The following ROBO4 variants were observed in gnomAD, a reference collection of about 807,000 sequenced individuals.
ROBO4 encodes the protein roundabout guidance receptor 4, also known as roundabout homolog 4.
Under a neutral mutation model 103.3 loss-of-function variants are expected in ROBO4, and 80 were observed. The ratio of observed to expected loss-of-function variants is 0.77; its 90% CI spans 0.65 to 0.93. The LOEUF is 0.93. Ranked by LOEUF, ROBO4 falls within the 40% of genes least tolerant of loss-of-function variation. The pLI, the probability that ROBO4 is intolerant of heterozygous loss-of-function variation, is 0.00. For synonymous variants in ROBO4, 504 were observed against 529.7 expected (o/e 0.95, Z 0.67); for missense variants, 1,333 against 1,305.3 (o/e 1.02, Z -0.33).
intron 16 of ROBO4, 121 bp downstream of exon 16, chr11:124,886,343 T>C (rs1946711141): frequency 3.9e-6 from 3 of 776,616 alleles, no homozygotes; most frequent in Non-Finnish European, 6.5e-6. Flanking sequence ...GCACTTATCA[T>C]AGTGCCTGAG....
At position 124,895,601 on chromosome 11, in the gene ROBO4, C is replaced by T. The variant is rs755878772; in HGVS notation, c.892G>A (p.Ala298Thr). The change falls in exon 6 of 18, where the codon GCA becomes ACA. Residue 298 changes from alanine (A) to threonine (T), a missense_variant. By Grantham distance (58) the Ala-to-Thr change is moderately conservative. Transcript: ENST00000306534. Reference protein sequence around the residue: ...TAPGGQGAPWAEELLAGWQSA... With the variant: ...TAPGGQGAPWTEELLAGWQSA... Reference sequence around the variant, plus strand: ...TGCCAGCCGGCCAGCAGCTCCTCTGCCCACGGAGCTCCCTGGCCTCCCGGG... The same window carrying T: ...TGCCAGCCGGCCAGCAGCTCCTCTGTCCACGGAGCTCCCTGGCCTCCCGGG... The T allele has an allele frequency of 1.2e-6, 2 of 1,613,516 alleles. No individual in the cohort carries two copies. Among genetic ancestry groups the T allele is most frequent in the African/African-American group, 2.7e-5 (2 of 74,926 alleles).
At chr11:124,886,340 T>A in intron 16 of ROBO4, 124 bp downstream of exon 16, 1 of 765,974 alleles carries the variant, frequency 1.3e-6, no homozygotes, top group Non-Finnish European at 2.2e-6. Context: ...AAAGCACTTA[T>A]CATAGTGCCT....
Position 124,883,885 on chromosome 11 carries a change from T to G in ROBO4, c.*1006A>C, listed in dbSNP as rs974625203. ...GTACACTTGGGCAGAATGAACCTAT[T>G]ACTTCATTTTCCCCACAGCCAATCA... On this transcript the variant is annotated 3_prime_UTR_variant, in exon 18 of 18. Transcript: ENST00000306534. 6.6e-6 allele frequency: 1 copy of G among 152,054 alleles called. No homozygotes were observed. The highest frequency in any genetic ancestry group is 2.4e-5 in the African/African-American group (1 of 41,390). The allele number at this position is 152,054 out of a possible 1,614,324, so 9.4% of individuals were successfully genotyped here. A position where few individuals can be genotyped will look rare whatever the true frequency, so the allele number is the denominator to read the frequency against.
At chr11:124,895,286 TG>T (rs991728423) in intron 6 of ROBO4, 93 bp from the exon 7 acceptor site, 6 of 1,193,972 alleles carry the variant, frequency 5.0e-6, no homozygotes, top group Non-Finnish European at 7.3e-6. Flanking sequence ...AGAACCCTAC[TG>T]AAGAGACAAG....
intron 13 of ROBO4, 29 bp from the exon 14 acceptor site, chr11:124,887,528 C>T: frequency 6.2e-7 from 1 of 1,612,534 alleles, no homozygotes; most frequent in Non-Finnish European, 8.5e-7. Context: ...GGTGTGAGAA[C>T]AGTGGCATCC....
Position 124,891,646 on chromosome 11 carries a change from C to T in ROBO4, c.1684+20G>A, listed in dbSNP as rs770301411. The T allele has an allele frequency of 1.9e-5, 31 of 1,614,060 alleles. No homozygotes were observed. In the South Asian group the frequency reaches 2.7e-4, roughly 14 times the overall value. On this transcript the variant is annotated intron_variant, in intron 11 of 17. Transcript: ENST00000306534. ...ATCACTGCCCCCAGCTAGGCCCTTG[C>T]CCCCACTGAGCATGCTCACAGGAGC...
rs1946887095 is a variant in ROBO4, at chr11:124,896,203, A to T, written c.674T>A (p.Ile225Asn). Residue 225 changes from isoleucine to asparagine, a missense_variant, in exon 4 of 18, where the codon ATC becomes AAC. Physicochemically the swap from Ile to Asn is moderately radical, Grantham distance 149 (BLOSUM62 -3). Transcript: ENST00000306534. Reference protein sequence around the residue: ...HRESRAARVSIQEPQDYTEPV... With the variant: ...HRESRAARVSNQEPQDYTEPV... Reference sequence around the variant, plus strand: ...TAGCCCACCCCTGCCCTTACCCTGGATGGAAACCCGGGCTGCGCGGCTCTC... The same window carrying T: ...TAGCCCACCCCTGCCCTTACCCTGGTTGGAAACCCGGGCTGCGCGGCTCTC... 1 of 1,613,774 alleles carries T rather than the reference A, an allele frequency of 6.2e-7. No individual in the cohort carries two copies. Among genetic ancestry groups the T allele is most frequent in the South Asian group, 1.1e-5 (1 of 91,074 alleles).
chr11:124,893,609 G>A (rs370500873), intron 10 of ROBO4, 79 bp downstream of exon 10: 16 of 1,302,524 alleles, frequency 1.2e-5, no homozygotes, highest in African/African-American at 5.9e-5. Flanking sequence ...AGGTAGACTA[G>A]TACTCCATTC....
chr11:124,896,445 C>T lies in ROBO4; in HGVS notation c.558+68G>A, dbSNP rs1946892028. 1.9e-6 allele frequency: 3 copies of T among 1,592,912 alleles called. No individual in the cohort carries two copies. In the African/African-American group the frequency reaches 4.0e-5, roughly 21 times the overall value. On this transcript the variant is annotated intron_variant, in intron 3 of 17. Coordinates refer to ENST00000306534, the MANE Select transcript of ROBO4 (RefSeq NM_019055.6). ...GAGGATGCGGGGCTGGACGGCAGGTCAGTCCATCAGGGTGTACCCAGGTCT... is the reference window on the plus strand; with the variant it reads ...GAGGATGCGGGGCTGGACGGCAGGTTAGTCCATCAGGGTGTACCCAGGTCT...
intron 1 of ROBO4, chr11:124,897,491 CTCTT>C (rs1350589128): frequency 1.7e-6 from 1 of 580,436 alleles, no homozygotes; most frequent in East Asian, 2.8e-5. Context: ...CTCTCTCTCT[CTCTT>C]ACTTTCTCTC....
In ROBO4 at chr11:124,895,619, C is replaced by A; in HGVS notation, c.874G>T (p.Gly292Cys). ...ALFRTQTAPG[G>C]QGAPWAEELL... ...TCCTCTGCCCACGGAGCTCCCTGGC[C>A]TCCCGGGGCAGTCTGGGTCCTGAAC... The change falls in exon 6 of 18, where the codon GGC becomes TGC. Residue 292 changes from glycine to cysteine, a missense_variant. Gly to Cys is a radical substitution (Grantham distance 159, BLOSUM62 -3). Transcript: ENST00000306534. The A allele has an allele frequency of 6.2e-7, 1 of 1,613,812 alleles. No homozygotes were observed. The highest frequency in any genetic ancestry group is 8.5e-7 in the Non-Finnish European group (1 of 1,180,024).
rs1386323486 is a variant in ROBO4, at chr11:124,886,609, G to A, written c.2649C>T (p.Asp883=). 6.2e-7 allele frequency: 1 copy of A among 1,614,048 alleles called. No individual in the cohort carries two copies. The highest frequency in any genetic ancestry group is 8.5e-7 in the Non-Finnish European group (1 of 1,180,032). The change falls in exon 16 of 18, where the codon GAC becomes GAT. Residue 883 remains aspartate, a synonymous_variant. Coordinates refer to ENST00000306534, the MANE Select transcript of ROBO4 (RefSeq NM_019055.6). The stretch of plus-strand genomic sequence containing the variant: ...GGCTGGCTCTGGCGCTGGCGGCATT[G>A]TCCTCAGAGGCTGAGCCCCAACCAT... The part of the protein sequence containing the change: ...LANGWGSASE[D]NAASARASLV...
Position 124,887,751 on chromosome 11 carries a change from TC to T in ROBO4, c.2037del (p.Asn680ThrfsTer114), listed in dbSNP as rs1364778213. 1.9e-6 allele frequency: 3 copies of T among 1,613,890 alleles called. No homozygotes were observed. The highest frequency in any genetic ancestry group is 1.7e-6 in the Non-Finnish European group (2 of 1,179,958). On this transcript the variant is annotated frameshift_variant, in exon 13 of 18. Transcript: ENST00000306534. LOFTEE classifies it high-confidence loss of function. ...CTCTCACCTGGGCTTTGGGAAAGGT[TC>T]TTGGAACCTCTATTTCCTAACTCAC... ...RACELGNRGS[K>X]NLSQSPGAVP...
At position 124,884,108 on chromosome 11, in the gene ROBO4, C is replaced by T. The variant is rs1412286596; in HGVS notation, c.*783G>A. The T allele has an allele frequency of 6.6e-6, 1 of 152,116 alleles. No individual in the cohort carries two copies. The highest frequency in any genetic ancestry group is 1.5e-5 in the Non-Finnish European group (1 of 68,038). The allele number at this position is 152,116 out of a possible 1,614,324, so 9.4% of individuals were successfully genotyped here. ...TTAATTGCAGAACAGAAATGTGTGA[C>T]ACTCCCTGAGTGTCAATGAATGCCT... On this transcript the variant is annotated 3_prime_UTR_variant, in exon 18 of 18. Transcript: ENST00000306534.
chr11:124,897,021 G>A lies in ROBO4; in HGVS notation c.311C>T (p.Ala104Val). Reference protein sequence around the residue: ...PARGHAHDGQALSTDLGVYTC... With the variant: ...PARGHAHDGQVLSTDLGVYTC... The stretch of plus-strand genomic sequence containing the variant: ...GTAGACACCCAGGTCTGTGGACAGG[G>A]CCTGGCCATCGTGGGCATGTCCCCG... The change falls in exon 2 of 18, where the codon GCC becomes GTC. Residue 104 changes from alanine to valine, a missense_variant. Ala to Val is a moderately conservative substitution (Grantham distance 64). Coordinates refer to ENST00000306534, the MANE Select transcript of ROBO4 (RefSeq NM_019055.6). 1 of 1,614,064 alleles carries A rather than the reference G, an allele frequency of 6.2e-7. No homozygotes were observed. Among genetic ancestry groups the A allele is most frequent in the Non-Finnish European group, 8.5e-7 (1 of 1,180,006 alleles).
At chr11:124,895,422 G>A in intron 6 of ROBO4, 35 bp downstream of exon 6, 1 of 1,576,780 alleles carries the variant, frequency 6.3e-7, no homozygotes, top group Non-Finnish European at 8.7e-7. Context: ...AGCCAGAGGG[G>A]ATATTGTTGG....
Position 124,887,519 on chromosome 11 carries a change from G to A in ROBO4, c.2057-20C>T. On this transcript the variant is annotated intron_variant, in intron 13 of 17. Coordinates refer to ENST00000306534, the MANE Select transcript of ROBO4 (RefSeq NM_019055.6). Reference sequence around the variant, plus strand: ...CAGCTCCTGGGGAAGAGAAGCCTGGGTGTGAGAACAGTGGCATCCCCATCT... The same window carrying A: ...CAGCTCCTGGGGAAGAGAAGCCTGGATGTGAGAACAGTGGCATCCCCATCT... 6.2e-7 allele frequency: 1 copy of A among 1,613,084 alleles called. No individual in the cohort carries two copies. Among genetic ancestry groups the A allele is most frequent in the Non-Finnish European group, 8.5e-7 (1 of 1,179,856 alleles).
At position 124,891,675 on chromosome 11, in the gene ROBO4, G is replaced by T. The variant is rs199901174; in HGVS notation, c.1675C>A (p.Arg559Ser). ...CACTGAGCATGCTCACAGGAGCGAC[G>T]ACAGTCTAGTGGGTCCCGGGCATCC... The part of the protein sequence containing the change: ...GADARDPLDC[R>S]RSLLSWDSRS... Residue 559 changes from arginine to serine, a missense_variant, in exon 11 of 18, where the codon CGT becomes AGT. By Grantham distance (110) the Arg-to-Ser change is moderately radical. Transcript: ENST00000306534. The T allele has an allele frequency of 1.9e-6, 3 of 1,614,066 alleles. No homozygotes were observed. In the African/African-American group the frequency reaches 4.0e-5, roughly 22 times the overall value.
Position 124,884,476 on chromosome 11 carries a change from T to C in ROBO4, c.*415A>G. On this transcript the variant is annotated 3_prime_UTR_variant, in exon 18 of 18. Coordinates refer to ENST00000306534, the MANE Select transcript of ROBO4 (RefSeq NM_019055.6). ...GGCCCAGGTAAGGCTGAGAGGGGGC[T>C]CCGAGAAGCTCCTTCCTCCACAGCC... The C allele has an allele frequency of 4.5e-6, 1 of 224,276 alleles. No homozygotes were observed. Among genetic ancestry groups the C allele is most frequent in the South Asian group, 9.1e-5 (1 of 10,934 alleles). 13.9% of individuals were successfully genotyped at this position (224,276 alleles called of 1,614,324 possible).
Sources: allele counts gnomAD v4.1 joint callset, GRCh38; gene constraint gnomAD v4.1.1; transcripts MANE v1.5; gene names NCBI Gene and HGNC (gene_info 2026-07-23, HGNC 2026-07-21).